ANKS1A: variants seen among roughly 807,000 people sequenced by gnomAD.
The protein encoded by ANKS1A is ankyrin repeat and sterile alpha motif domain containing 1A, also known as ankyrin repeat and SAM domain-containing protein 1A.
In ANKS1A, 55 loss-of-function variants were observed where a neutral mutation model predicts 120.3. The ratio of observed to expected loss-of-function variants is 0.46; its 90% CI spans 0.37 to 0.57. ANKS1A has a LOEUF of 0.57. ANKS1A is among the 20% of genes least tolerant of loss of function. The probability of loss-of-function intolerance (pLI) is 0.00; values close to 1 mark genes in which losing one functional copy is unlikely to be tolerated. For missense variants in ANKS1A, 1,123 were observed against 1,480.3 expected, an observed-to-expected ratio of 0.76 and a Z score of 3.96; for synonymous variants, 590 against 604.7, an observed-to-expected ratio of 0.98 and a Z score of 0.36.
chr6:35,060,123 G>A lies in ANKS1A; in HGVS notation c.2078-24G>A, dbSNP rs201552573. ...CTTAATGGTTTTTCCCTTTTCAAGC[G>A]TCTGCCGATTCCTCTCTCATCAGGT... On this transcript the variant is annotated intron_variant, in intron 12 of 23. Transcript: ENST00000360359. This position sits in a 1 kb window ranked among gnomAD's most constrained non-coding sequence, Gnocchi z 4.5. 297 of 1,599,116 alleles carry A rather than the reference G, an allele frequency of 1.9e-4. 1 individual carries two copies. The highest frequency in any genetic ancestry group is 2.3e-4 in the Non-Finnish European group (273 of 1,169,182).
At chr6:34,958,616 T>C (rs1346848409) in intron 1 of ANKS1A, among the ~76,000 whole-genome samples, 1 of 152,204 alleles carries the variant, frequency 6.6e-6, no homozygotes, top group African/African-American at 2.4e-5. Context: ...CGCTTGAATC[T>C]CTTCAGCGGC....
intron 1 of ANKS1A, among the ~76,000 whole-genome samples, chr6:34,911,121 A>C (rs1219211472): frequency 6.6e-6 from 1 of 152,160 alleles, no homozygotes; most frequent in African/African-American, 2.4e-5. Flanking sequence ...TTAAGCAGGC[A>C]GATAAGTCAA....
rs769328887 is a variant in ANKS1A at position 34,985,229 on chromosome 6, C to T, written c.1160C>T (p.Thr387Met). The T allele has an allele frequency of 3.7e-6, 6 of 1,614,170 alleles. No homozygotes were observed. Among genetic ancestry groups the T allele is most frequent in the Admixed American group, 1.7e-5 (1 of 60,032 alleles). ...ASGRSSDQDS[T>M]NKEAEAAGVK... is the part of the protein sequence containing the mutation. ...GGGCGATCATCTGACCAAGACTCCA[C>T]GAACAAGGAGGCTGAGGCAGCAGGA... The change falls in exon 8 of 24, where the codon ACG (threonine) becomes ATG (methionine). Residue 387 changes from threonine (T) to methionine (M), a missense_variant. By Grantham distance (81) the Thr-to-Met change is moderately conservative. Around this residue, in one of 3 missense-constraint regions of ANKS1A, gnomAD observed 904 missense variants for 1,130.4 expected, o/e 0.80. Coordinates refer to ENST00000360359, the MANE Select transcript of ANKS1A (RefSeq NM_015245.3).
chr6:35,084,723 C>T lies in ANKS1A; in HGVS notation c.3132+465C>T, dbSNP rs115043348. ...CTCCAACCTCTGGCTGGGCCGCCTC[C>T]CAGAAATGCCCTCTACTTCCCTCTT... On this transcript the variant is annotated intron_variant, in intron 21 of 23. Coordinates refer to ENST00000360359, the MANE Select transcript of ANKS1A (RefSeq NM_015245.3). This position sits in a 1 kb window ranked among gnomAD's most constrained non-coding sequence, Gnocchi z 4.8. Among the ~76,000 whole-genome samples the T allele has an allele frequency of 1.3e-3, 201 of 152,282 alleles. No individual in the cohort carries two copies. The highest frequency in any genetic ancestry group is 4.7e-3 in the African/African-American group (196 of 41,576).
intron 1 of ANKS1A, among the ~76,000 whole-genome samples, chr6:34,946,394 C>T (rs1197460166): frequency 6.6e-6 from 1 of 151,920 alleles, no homozygotes; most frequent in Non-Finnish European, 1.5e-5. Context: ...TCAAGACCAG[C>T]CCGGCCAATA....
chr6:35,029,980 T>A (rs1476529396), intron 11 of ANKS1A, among the ~76,000 whole-genome samples: 2 of 152,098 alleles, frequency 1.3e-5, no homozygotes, highest in Non-Finnish European at 2.9e-5. Context: ...CTGTTGATTT[T>A]TAGCAACAAT....
rs575788452 is a variant in ANKS1A, at chr6:35,020,861, G to A, written c.2010+2802G>A. On this transcript the variant is annotated intron_variant, in intron 11 of 23. Transcript: ENST00000360359. ...GGATCTACATCTATCCAAGATCTAG[G>A]TGCTGTGGGCCAGTTCTCTAGTGTG... Among the ~76,000 whole-genome samples the A allele has an allele frequency of 8.5e-5, 13 of 152,306 alleles. No homozygotes were observed. In the South Asian group the frequency reaches 2.7e-3, roughly 32 times the overall value.
At chr6:35,051,098 G>A (rs143121395) in intron 11 of ANKS1A, among the ~76,000 whole-genome samples, 4 of 152,118 alleles carry the variant, frequency 2.6e-5, no homozygotes, top group Admixed American at 6.5e-5. Flanking sequence ...GGAGGCTGAC[G>A]CGGGAGGATC....
At chr6:34,913,536 A>G (rs1768000742) in intron 1 of ANKS1A, among the ~76,000 whole-genome samples, 1 of 152,186 alleles carries the variant, frequency 6.6e-6, no homozygotes, top group South Asian at 2.1e-4. Flanking sequence ...CAAACGCATG[A>G]GCTCAAGTGA....
intron 1 of ANKS1A, among the ~76,000 whole-genome samples, chr6:34,928,773 G>A (rs1198779106): frequency 2.0e-5 from 3 of 152,176 alleles, no homozygotes; most frequent in Admixed American, 1.3e-4. Context: ...CACTCACTGT[G>A]TTTCACCATC....
intron 1 of ANKS1A, among the ~76,000 whole-genome samples, chr6:34,960,656 T>C (rs1396180454): frequency 6.6e-6 from 1 of 152,156 alleles, no homozygotes; most frequent in Non-Finnish European, 1.5e-5. Flanking sequence ...GTCATATTCT[T>C]CCATGCCCTC....
intron 1 of ANKS1A, among the ~76,000 whole-genome samples, chr6:34,902,717 C>T (rs977194612): frequency 6.6e-5 from 10 of 151,096 alleles, no homozygotes; most frequent in Non-Finnish European, 1.3e-4. Flanking sequence ...GCAGGAGAAT[C>T]GCTTGAACCC....
At chr6:34,912,097 T>A (rs1767934168) in intron 1 of ANKS1A, among the ~76,000 whole-genome samples, 1 of 152,230 alleles carries the variant, frequency 6.6e-6, no homozygotes. Flanking sequence ...CTCTGTTCAG[T>A]GTCAGGATGA....
intron 1 of ANKS1A, among the ~76,000 whole-genome samples, chr6:34,901,045 A>C (rs1292080947): frequency 6.6e-6 from 1 of 152,166 alleles, no homozygotes; most frequent in African/African-American, 2.4e-5. Flanking sequence ...GAGAAAATTT[A>C]AGTGGTCCCT....
At chr6:35,014,182 CA>C (rs905159429) in intron 10 of ANKS1A, among the ~76,000 whole-genome samples, 1 of 151,580 alleles carries the variant, frequency 6.6e-6, no homozygotes, top group African/African-American at 2.4e-5. Flanking sequence ...ATTGATCTGC[CA>C]AAAAAAACTC....
intron 11 of ANKS1A, chr6:35,023,551 C>A: frequency 2.5e-6 from 1 of 405,884 alleles, no homozygotes; most frequent in South Asian, 2.0e-5. Flanking sequence ...AAGTTTCTTT[C>A]ACTCTTTGAC....
chr6:35,042,064 C>T (rs538255911), intron 11 of ANKS1A, among the ~76,000 whole-genome samples: 4 of 152,190 alleles, frequency 2.6e-5, no homozygotes, highest in Non-Finnish European at 4.4e-5. Flanking sequence ...AGGGCATTTT[C>T]TATTTCTTAA....
intron 13 of ANKS1A, among the ~76,000 whole-genome samples, chr6:35,063,454 GT>G (rs1372431690): frequency 2.6e-5 from 4 of 152,250 alleles, no homozygotes; most frequent in African/African-American, 9.6e-5. Flanking sequence ...AACGATGGTG[GT>G]CCTGATGCTG....
chr6:35,004,197 A>G (rs983172494), intron 10 of ANKS1A, among the ~76,000 whole-genome samples: 8 of 152,220 alleles, frequency 5.3e-5, no homozygotes, highest in South Asian at 4.1e-4. Context: ...TTGCTCACTC[A>G]GGGAGCTCGG....
Sources: gnomAD v4.1 joint callset for allele counts (sites outside exome capture counted in the v4.1 genomes callset) on GRCh38, gnomAD v4.1.1 for gene constraint, gnomAD v4.1.1 regional missense constraint, Gnocchi (gnomAD v3.1) non-coding constraint, MANE v1.5 for transcripts, NCBI Gene and HGNC (gene_info 2026-07-23, HGNC 2026-07-21) for gene names.